Variants in ZFAND3 observed in about 807,000 individuals in gnomAD.
The protein encoded by ZFAND3 is AN1-type zinc finger protein 3.
A neutral mutation model predicts 29.6 loss-of-function variants in ZFAND3; 10 were observed. That is an observed-to-expected ratio of 0.34 (90% CI 0.21 to 0.57). The LOEUF is 0.57. Ranked by LOEUF, ZFAND3 falls within the 20% of genes least tolerant of loss-of-function variation. ZFAND3 has a pLI of 0.86. For synonymous variants in ZFAND3, 128 were observed against 112.6 expected (o/e 1.14, Z -0.87); for missense variants, 230 against 304.5 (o/e 0.76, Z 1.82).
At chr6:38,062,711 T>A (rs949680781) in intron 3 of ZFAND3, 2 of 152,232 alleles carry the variant, frequency 1.3e-5, no homozygotes, top group African/African-American at 4.8e-5. Flanking sequence ...AATATACATC[T>A]CTTTCCCTCC....
intron 3 of ZFAND3, among the ~76,000 whole-genome samples, chr6:38,074,363 A>G (rs1764513222): frequency 6.6e-6 from 1 of 152,238 alleles, no homozygotes; most frequent in Non-Finnish European, 1.5e-5. Flanking sequence ...TTAATTTTAA[A>G]TGAAAACATT....
chr6:38,134,611 ATT>A (rs1765805512), intron 5 of ZFAND3, among the ~76,000 whole-genome samples: 1 of 152,108 alleles, frequency 6.6e-6, no homozygotes, highest in South Asian at 2.1e-4. Context: ...TGAATCCTTT[ATT>A]TATTAGATGA....
intron 2 of ZFAND3, among the ~76,000 whole-genome samples, chr6:37,973,073 T>G (rs1250651200): frequency 6.6e-6 from 1 of 152,172 alleles, no homozygotes; most frequent in Admixed American, 6.5e-5. Context: ...TATTCATGGC[T>G]TTTGATTGTT....
chr6:37,885,192 A>T (rs187049451), intron 1 of ZFAND3, among the ~76,000 whole-genome samples: 93 of 152,130 alleles, frequency 6.1e-4, no homozygotes, highest in African/African-American at 2.1e-3. Context: ...CAAGATTGGG[A>T]AAAAAGGGGT....
chr6:37,865,329 A>T (rs1412372776), intron 1 of ZFAND3, among the ~76,000 whole-genome samples: 2 of 152,338 alleles, frequency 1.3e-5, no homozygotes, highest in East Asian at 3.9e-4. Flanking sequence ...GGGAATAATG[A>T]CAAGAAAAAA....
chr6:37,975,435 A>G (rs1762461646), intron 2 of ZFAND3, among the ~76,000 whole-genome samples: 1 of 152,076 alleles, frequency 6.6e-6, no homozygotes, highest in Non-Finnish European at 1.5e-5. Context: ...TTTTTATAAC[A>G]GTGAGTTTTG....
intron 2 of ZFAND3, among the ~76,000 whole-genome samples, chr6:38,058,009 A>G (rs571487518): frequency 6.6e-6 from 1 of 152,352 alleles, no homozygotes; most frequent in East Asian, 1.9e-4. Context: ...CACTGTGTCA[A>G]CTGCTGATTC....
chr6:38,057,663 G>A (rs756942584), intron 2 of ZFAND3, among the ~76,000 whole-genome samples: 11 of 152,134 alleles, frequency 7.2e-5, no homozygotes, highest in East Asian at 1.9e-4. Flanking sequence ...TTGAATCCAC[G>A]TCGTCACTCT....
At chr6:38,070,666 C>G (rs1008063386) in intron 3 of ZFAND3, among the ~76,000 whole-genome samples, 7 of 152,048 alleles carry the variant, frequency 4.6e-5, no homozygotes, top group Non-Finnish European at 1.0e-4. Context: ...GCTAATGGTG[C>G]ATATGTTATT....
intron 1 of ZFAND3, among the ~76,000 whole-genome samples, chr6:37,839,186 CTT>C (rs398110036): frequency 1.4e-5 from 2 of 147,124 alleles, no homozygotes. Context: ...TGTAAAATTT[CTT>C]TTTTTTTTTT....
In ZFAND3 at chr6:38,109,091, A is replaced by G. The variant is rs923689962; in HGVS notation, c.362-7481A>G. Among the ~76,000 whole-genome samples the G allele has an allele frequency of 7.2e-5, 11 of 152,224 alleles. No homozygotes were observed. The South Asian group carries it at 2.3e-3, about 32-fold the overall frequency. ...CAGAAGGACTAGCCAGCACAGGCAA[A>G]CAAAAAAAAATGGAAGGCATACAGA... On this transcript the variant is annotated intron_variant, in intron 4 of 5. Transcript: ENST00000287218.
intron 2 of ZFAND3, among the ~76,000 whole-genome samples, chr6:37,978,805 C>T (rs1422316007): frequency 3.3e-5 from 5 of 152,184 alleles, no homozygotes; most frequent in Admixed American, 6.5e-5. Context: ...GCAGGGATTA[C>T]AGGCGCCGGC....
chr6:38,026,500 A>G (rs1439079119), intron 2 of ZFAND3, among the ~76,000 whole-genome samples: 1 of 132,934 alleles, frequency 7.5e-6, no homozygotes, highest in Non-Finnish European at 1.5e-5. Flanking sequence ...GCAGGATTTC[A>G]GCTCACTGCA....
intron 2 of ZFAND3, among the ~76,000 whole-genome samples, chr6:37,976,906 AT>A (rs1762488809): frequency 6.6e-6 from 1 of 152,060 alleles, no homozygotes; most frequent in Non-Finnish European, 1.5e-5. Flanking sequence ...TTTAGATGAT[AT>A]TTGGGTGGGG....
At chr6:38,108,069 A>C (rs1469708904) in intron 4 of ZFAND3, among the ~76,000 whole-genome samples, 2 of 152,218 alleles carry the variant, frequency 1.3e-5, no homozygotes, top group Admixed American at 1.3e-4. Context: ...AAGAACAATG[A>C]GGGTAATTTC....
At chr6:38,019,498 A>G (rs1346637082) in intron 2 of ZFAND3, among the ~76,000 whole-genome samples, 1 of 151,648 alleles carries the variant, frequency 6.6e-6, no homozygotes, top group Non-Finnish European at 1.5e-5. Context: ...TTGTCATTTG[A>G]TCATGTATGG....
intron 1 of ZFAND3, among the ~76,000 whole-genome samples, chr6:37,902,007 TGTTA>T (rs1466146121): frequency 2.0e-5 from 3 of 152,240 alleles, no homozygotes; most frequent in African/African-American, 4.8e-5. Context: ...TTAAATATTC[TGTTA>T]GTTTGTTGAG....
At chr6:38,016,721 A>C (rs942474174) in intron 2 of ZFAND3, among the ~76,000 whole-genome samples, 7 of 152,208 alleles carry the variant, frequency 4.6e-5, no homozygotes, top group Non-Finnish European at 8.8e-5. Context: ...AACAAATGAA[A>C]GTATATTTTC....
intron 2 of ZFAND3, among the ~76,000 whole-genome samples, chr6:37,996,106 G>T (rs1278074703): frequency 6.6e-6 from 1 of 151,174 alleles, no homozygotes; most frequent in African/African-American, 2.4e-5. Context: ...TCCAGCCTGG[G>T]CTACAAGAGC....
Sources: allele counts gnomAD v4.1 joint callset (sites outside exome capture counted in the v4.1 genomes callset), GRCh38; gene constraint gnomAD v4.1.1; transcripts MANE v1.5; gene names NCBI Gene and HGNC (gene_info 2026-07-23, HGNC 2026-07-21).